PSMD6: variants seen among roughly 807,000 people sequenced by gnomAD.
The protein encoded by PSMD6 is proteasome 26S subunit, non-ATPase 6.
In PSMD6, 7 loss-of-function variants were observed where a neutral mutation model predicts 44.9. That is an observed-to-expected ratio of 0.16 (90% confidence interval 0.09 to 0.29). PSMD6 has a LOEUF of 0.29. Among genes scored for constraint, PSMD6 ranks in the 10% least tolerant of loss-of-function variants. PSMD6 has a pLI of 1.00. For synonymous variants in PSMD6, 184 were observed against 172.7 expected (o/e 1.07, Z -0.51); for missense variants, 420 against 482.6 (o/e 0.87, Z 1.21).
chr3:64,016,599 A>C (rs540622618), intron 5 of PSMD6: 1 of 152,224 alleles, frequency 6.6e-6, no homozygotes, highest in Non-Finnish European at 1.5e-5. Context: ...TGCTCAATGA[A>C]ACTAGTCATT....
Position 64,018,940 on chromosome 3 carries a change from C to G in PSMD6, c.595G>C (p.Glu199Gln). 1.9e-6 allele frequency: 3 copies of G among 1,608,830 alleles called. No individual in the cohort carries two copies. Among genetic ancestry groups the G allele is most frequent in the Non-Finnish European group, 2.6e-6 (3 of 1,175,248 alleles). ...GTTGAAACAGTGTCAAGGAAGAGTT[C>G]AGCTGCCTGTTTGAAATCACGAATA... Reference protein sequence around the residue: ...VAIRDFKQAAELFLDTVSTFT... With the variant: ...VAIRDFKQAAQLFLDTVSTFT... The change falls in exon 4 of 8, where the codon GAA (glutamate) becomes CAA (glutamine). Residue 199 changes from glutamate to glutamine, a missense_variant. Coordinates refer to ENST00000295901, the MANE Select transcript of PSMD6 (RefSeq NM_014814.3).
intron 1 of PSMD6, 88 bp from the exon 2 acceptor site, chr3:64,022,611 A>G (rs932255463): frequency 6.3e-7 from 1 of 1,580,302 alleles, no homozygotes; most frequent in Non-Finnish European, 8.6e-7. Flanking sequence ...CCGCCCCGCC[A>G]CAAGTCATCC....
intron 5 of PSMD6, chr3:64,014,298 GTTA>G (rs2076010303): frequency 6.6e-6 from 1 of 152,146 alleles, no homozygotes; most frequent in Admixed American, 6.5e-5. Context: ...ACTCTAGATA[GTTA>G]TATGGCAGTG....
rs1447487443 is a variant in PSMD6, at chr3:64,019,045, A to G, written c.498-8T>C. On this transcript the variant is annotated splice_region_variant and splice_polypyrimidine_tract_variant and intron_variant, in intron 3 of 7. Transcript: ENST00000295901. ...CCTCCTTCTTCTATTAAGCTATGAAATAAAAACAGTAAGATCATAGTCTGG... is the reference window on the plus strand; with the variant it reads ...CCTCCTTCTTCTATTAAGCTATGAAGTAAAAACAGTAAGATCATAGTCTGG... The G allele has an allele frequency of 6.3e-7, 1 of 1,582,620 alleles. No homozygotes were observed. The highest frequency in any genetic ancestry group is 1.1e-5 in the South Asian group (1 of 90,296).
At chr3:64,021,087 A>C (rs1317268522) in intron 2 of PSMD6, among the ~76,000 whole-genome samples, 1 of 152,114 alleles carries the variant, frequency 6.6e-6, no homozygotes, top group East Asian at 1.9e-4. Context: ...AAAAAAAAAA[A>C]CTGTTCATTG....
chr3:64,023,650 G>A (rs2076171558), upstream of PSMD6: 3 of 1,446,436 alleles, frequency 2.1e-6, no homozygotes, highest in South Asian at 4.5e-5. Flanking sequence ...CCCCTGCGGA[G>A]TCCCAGAGTG....
At chr3:64,018,545 A>T in intron 5 of PSMD6, 54 bp downstream of exon 5, 1 of 1,324,618 alleles carries the variant, frequency 7.5e-7, no homozygotes, top group Non-Finnish European at 1.1e-6. Flanking sequence ...ATTTGCACAT[A>T]GGATCAGGAG....
Position 64,022,446 on chromosome 3 carries a change from T to C in PSMD6, c.223A>G (p.Lys75Glu), listed in dbSNP as rs1403830359. ...IDVDLLNKMK[K>E]ANEDELKRLD... ...CGCTTCAACTCATCTTCATTTGCCT[T>C]CTTCATTTTATTGAGTAGGTCCACG... Residue 75 changes from lysine (K) to glutamate (E), a missense_variant, in exon 2 of 8, where the codon AAG becomes GAG. Around this residue, in one of 4 missense-constraint regions of PSMD6, gnomAD observed 136 missense variants for 124.2 expected, o/e 1.09. Coordinates refer to ENST00000295901, the MANE Select transcript of PSMD6 (RefSeq NM_014814.3). 1 of 1,614,184 alleles carries C rather than the reference T, an allele frequency of 6.2e-7. No homozygotes were observed. Among genetic ancestry groups the C allele is most frequent in the Non-Finnish European group, 8.5e-7 (1 of 1,179,992 alleles).
At position 64,022,527 on chromosome 3, in the gene PSMD6, A is replaced by C; in HGVS notation, c.146-4T>G. The C allele has an allele frequency of 1.9e-6, 3 of 1,613,578 alleles. No homozygotes were observed. The highest frequency in any genetic ancestry group is 2.5e-6 in the Non-Finnish European group (3 of 1,179,462). On this transcript the variant is annotated splice_polypyrimidine_tract_variant and splice_region_variant and intron_variant, in intron 1 of 7. Transcript: ENST00000295901. The stretch of plus-strand genomic sequence containing the variant: ...GCTTCATAGTAAGGAGCCATGTCTA[A>C]CATGCAAAAAGAGGGATGTGTGAGT...
At chr3:64,023,626 T>C, upstream of PSMD6, 1 of 1,417,818 alleles carries the variant, frequency 7.1e-7, no homozygotes, top group Admixed American at 3.1e-5. Flanking sequence ...CGGGGGCTTT[T>C]CCACCCTCAA....
At position 64,023,476 on chromosome 3, in the gene PSMD6, A is replaced by C; in HGVS notation, c.-57T>G. 3 of 1,500,704 alleles carry C rather than the reference A, an allele frequency of 2.0e-6. No individual in the cohort carries two copies. The highest frequency in any genetic ancestry group is 2.7e-6 in the Non-Finnish European group (3 of 1,117,300). The allele number at this position is 1,500,704 out of a possible 1,614,324, so 93.0% of individuals were successfully genotyped here. On this transcript the variant is annotated 5_prime_UTR_variant, in exon 1 of 8. Transcript: ENST00000295901. ...CAACTTGGTTACGACCGGCTGCGGCAGCGGAAGCGGGAGGAGTCGGCGAAT... is the reference window on the plus strand; with the variant it reads ...CAACTTGGTTACGACCGGCTGCGGCCGCGGAAGCGGGAGGAGTCGGCGAAT...
intron 2 of PSMD6, among the ~76,000 whole-genome samples, chr3:64,021,407 TA>T (rs930581121): frequency 1.3e-3 from 200 of 150,778 alleles, no homozygotes; most frequent in African/African-American, 3.2e-3. Flanking sequence ...CCTATGTACT[TA>T]AAAAAAAAAT....
At chr3:64,015,341 A>C (rs1275309845) in intron 5 of PSMD6, 1 of 152,240 alleles carries the variant, frequency 6.6e-6, no homozygotes, top group Non-Finnish European at 1.5e-5. Context: ...AGGAAATAAC[A>C]AGTGGGAAAG....
chr3:64,019,682 T>C (rs1269034173), intron 2 of PSMD6: 3 of 418,466 alleles, frequency 7.2e-6, no homozygotes, highest in Non-Finnish European at 1.2e-5. Context: ...TATACTTAGA[T>C]TCAGGAAAAC....
In PSMD6 at chr3:64,021,567, C is replaced by T. The variant is rs920444566; in HGVS notation, c.351+751G>A. Among the ~76,000 whole-genome samples the T allele has an allele frequency of 5.3e-5, 8 of 152,078 alleles. No homozygotes were observed. The East Asian group carries it at 7.7e-4, about 15-fold the overall frequency. ...CTCACGCCTATAATCCCAGCACTTT[C>T]GGAGGCCGAGACAGGTGGATCACCT... On this transcript the variant is annotated intron_variant, in intron 2 of 7. Coordinates refer to ENST00000295901, the MANE Select transcript of PSMD6 (RefSeq NM_014814.3).
chr3:64,022,832 C>G, intron 1 of PSMD6: 1 of 1,534,552 alleles, frequency 6.5e-7, no homozygotes, highest in African/African-American at 1.4e-5. Flanking sequence ...TTTATACACA[C>G]ATACTCACAT....
In PSMD6 at chr3:64,010,975, T is replaced by C; in HGVS notation, c.996-20A>G. On this transcript the variant is annotated intron_variant, in intron 6 of 7. Coordinates refer to ENST00000295901, the MANE Select transcript of PSMD6 (RefSeq NM_014814.3). ...AGTTCCCTAATTTAGAGACAAAAAATAACAGAATTAGCTTTATAGAAAATT... is the reference window on the plus strand; with the variant it reads ...AGTTCCCTAATTTAGAGACAAAAAACAACAGAATTAGCTTTATAGAAAATT... The C allele has an allele frequency of 6.4e-6, 10 of 1,552,462 alleles. No homozygotes were observed. The highest frequency in any genetic ancestry group is 8.8e-6 in the Non-Finnish European group (10 of 1,139,424).
At chr3:64,021,064 TAAAAAAAAGAAGA>T (rs1177281499) in intron 2 of PSMD6, among the ~76,000 whole-genome samples, 2 of 150,964 alleles carry the variant, frequency 1.3e-5, no homozygotes, top group Non-Finnish European at 3.0e-5. Flanking sequence ...CACACATATT[TAAAAAAAAGAAGA>T]AAAAAAAAAA....
intron 6 of PSMD6, chr3:64,011,937 C>T (rs555349660): frequency 6.6e-6 from 1 of 152,306 alleles, no homozygotes; most frequent in East Asian, 1.9e-4. Context: ...AATGCCCAGC[C>T]CGCACCCTAA....
Sources: allele counts gnomAD v4.1 joint callset (sites outside exome capture counted in the v4.1 genomes callset), GRCh38; gene constraint gnomAD v4.1.1; regional missense constraint gnomAD v4.1.1; transcripts MANE v1.5; gene names NCBI Gene and HGNC (gene_info 2026-07-23, HGNC 2026-07-21).